The following NTM variants were observed in gnomAD, a reference collection of about 807,000 sequenced individuals.
NTM encodes the protein IgLON family member 2.
NTM carries 13 observed loss-of-function variants against 42.1 expected under a neutral mutation model. The ratio of observed to expected loss-of-function variants is 0.31; its 90% CI spans 0.20 to 0.49. The LOEUF (loss-of-function observed/expected upper bound fraction) is 0.49, where lower values mean the gene tolerates loss of function less well. Among genes scored for constraint, NTM ranks in the 20% least tolerant of loss-of-function variants. The pLI is 0.99. For synonymous variants in NTM, 187 were observed against 179.2 expected (o/e 1.04, Z -0.35); for missense variants, 373 against 452.8 (o/e 0.82, Z 1.60).
At chr11:132,189,717 G>A (rs1272052881) in intron 3 of NTM, among the ~76,000 whole-genome samples, 1 of 152,038 alleles carries the variant, frequency 6.6e-6, no homozygotes, top group Non-Finnish European at 1.5e-5. Flanking sequence ...GACAGCAATG[G>A]TTTAATCACT....
rs1565347190 is a variant in NTM, at chr11:131,627,234, T to TGTGTG, written c.82+256346_82+256347insGTGTG. ...GGCGGCTTTTATTTATTTATTTTTT[T>TGTGTG]TGTGGGTTTGGGGGTATGGGGAAGG... On this transcript the variant is annotated intron_variant, in intron 1 of 8. Coordinates refer to ENST00000683400, the MANE Select transcript of NTM (RefSeq NM_001352005.2). Among the ~76,000 whole-genome samples, 663 of 151,948 alleles carry TGTGTG rather than the reference T, an allele frequency of 4.4e-3. 6 individuals carry two copies. Among genetic ancestry groups the TGTGTG allele is most frequent in the African/African-American group, 0.015 (629 of 41,414 alleles).
chr11:131,546,501 A>C (rs74870474), intron 1 of NTM, among the ~76,000 whole-genome samples: 2,196 of 152,258 alleles, frequency 0.014, 59 homozygotes, highest in African/African-American at 0.048. Flanking sequence ...TCCCTGGTCA[A>C]AGTCAACTAT....
chr11:132,166,498 G>A (rs2075299635), intron 3 of NTM, among the ~76,000 whole-genome samples: 1 of 152,108 alleles, frequency 6.6e-6, no homozygotes. Flanking sequence ...ATGGAGGAGG[G>A]TGAGTGGATT....
At chr11:131,942,145 G>A (rs961567294) in intron 2 of NTM, among the ~76,000 whole-genome samples, 4 of 152,164 alleles carry the variant, frequency 2.6e-5, no homozygotes, top group African/African-American at 9.7e-5. Flanking sequence ...AAAGTAAATG[G>A]AACATGATGT....
chr11:132,310,262 C>T (rs1408329323), intron 6 of NTM, 30 bp downstream of exon 6: 1 of 1,544,388 alleles, frequency 6.5e-7, no homozygotes, highest in Non-Finnish European at 8.7e-7. Flanking sequence ...TATCCCACCC[C>T]TACCCCCATC....
chr11:132,025,136 G>A (rs566152297), intron 2 of NTM, among the ~76,000 whole-genome samples: 6 of 152,244 alleles, frequency 3.9e-5, no homozygotes, highest in Admixed American at 2.0e-4. Context: ...TGAGCAGTGG[G>A]GTAGCAGGAA....
intron 1 of NTM, among the ~76,000 whole-genome samples, chr11:131,599,328 G>A (rs1015194427): frequency 2.6e-5 from 4 of 152,186 alleles, no homozygotes; most frequent in African/African-American, 9.7e-5. Flanking sequence ...CCAGTCTCCG[G>A]CAGATGCCCT....
chr11:131,617,975 G>A (rs1179959517), intron 1 of NTM, among the ~76,000 whole-genome samples: 8 of 152,188 alleles, frequency 5.3e-5, no homozygotes, highest in Admixed American at 5.2e-4. Flanking sequence ...CTGGGCCAGC[G>A]CCGGGCTACT....
At chr11:131,822,121 T>C (rs1379182598) in intron 1 of NTM, among the ~76,000 whole-genome samples, 1 of 148,788 alleles carries the variant, frequency 6.7e-6, no homozygotes, top group Admixed American at 6.6e-5. Context: ...AAAGTGACAG[T>C]ACTGCTATGT....
At chr11:132,034,021 G>A (rs569634163) in intron 2 of NTM, among the ~76,000 whole-genome samples, 1 of 152,294 alleles carries the variant, frequency 6.6e-6, no homozygotes, top group South Asian at 2.1e-4. Flanking sequence ...AGGAGACAGT[G>A]ACCTTAAGAT....
At chr11:131,606,130 A>T (rs990883172) in intron 1 of NTM, among the ~76,000 whole-genome samples, 1 of 151,832 alleles carries the variant, frequency 6.6e-6, no homozygotes, top group African/African-American at 2.4e-5. Context: ...TGTAGCCTCA[A>T]CCTCCCTGGC....
intron 1 of NTM, among the ~76,000 whole-genome samples, chr11:131,545,942 C>A (rs1228990018): frequency 1.3e-5 from 2 of 152,152 alleles, no homozygotes; most frequent in Non-Finnish European, 2.9e-5. Flanking sequence ...TAACTGCTGA[C>A]TTTGTTCATC....
chr11:131,987,875 C>T (rs1025329998), intron 2 of NTM, among the ~76,000 whole-genome samples: 5 of 152,190 alleles, frequency 3.3e-5, no homozygotes, highest in African/African-American at 1.2e-4. Context: ...ATATGCCAGC[C>T]AGTGGGCTAA....
At chr11:132,223,178 G>A (rs369445438) in intron 4 of NTM, among the ~76,000 whole-genome samples, 1 of 152,162 alleles carries the variant, frequency 6.6e-6, no homozygotes, top group African/African-American at 2.4e-5. Flanking sequence ...TGTGTGTGGG[G>A]CAACTCTCTG....
intron 1 of NTM, among the ~76,000 whole-genome samples, chr11:131,526,991 C>T (rs927538274): frequency 6.6e-6 from 1 of 152,212 alleles, no homozygotes; most frequent in Non-Finnish European, 1.5e-5. Context: ...CCCCATGTTG[C>T]AGCCAGGAGC....
At chr11:131,969,206 G>C (rs2134651972) in intron 2 of NTM, among the ~76,000 whole-genome samples, 1 of 152,282 alleles carries the variant, frequency 6.6e-6, no homozygotes, top group Non-Finnish European at 1.5e-5. Context: ...TCAAGGCTCA[G>C]TAGCTTACTT....
intron 1 of NTM, among the ~76,000 whole-genome samples, chr11:131,854,017 G>T (rs1273967886): frequency 6.6e-6 from 1 of 152,228 alleles, no homozygotes; most frequent in East Asian, 1.9e-4. Context: ...AGGTCCTGGA[G>T]TAGATGCATG....
At chr11:131,662,075 C>A (rs184106223) in intron 1 of NTM, 4 of 152,118 alleles carry the variant, frequency 2.6e-5, no homozygotes, top group Non-Finnish European at 4.4e-5. Flanking sequence ...CTCACAAACA[C>A]GAGAGAAATC....
At chr11:131,947,290 G>A (rs2060448141) in intron 2 of NTM, among the ~76,000 whole-genome samples, 1 of 152,166 alleles carries the variant, frequency 6.6e-6, no homozygotes, top group Non-Finnish European at 1.5e-5. Flanking sequence ...CTGGTATTGA[G>A]GGACTGGGTT....
Sources: allele counts gnomAD v4.1 joint callset (sites outside exome capture counted in the v4.1 genomes callset), GRCh38; gene constraint gnomAD v4.1.1; transcripts MANE v1.5; gene names NCBI Gene and HGNC (gene_info 2026-07-23, HGNC 2026-07-21).